GREB1L: variants seen among roughly 807,000 people sequenced by gnomAD.
The protein encoded by GREB1L is GREB1-like protein.
GREB1L carries 17 observed loss-of-function variants against 200.8 expected under a neutral mutation model. The observed-to-expected ratio is 0.08, with a 90% CI of 0.06 to 0.13. The LOEUF (loss-of-function observed/expected upper bound fraction) is 0.13. Ranked by LOEUF, GREB1L falls within the 10% of genes least tolerant of loss-of-function variation. The pLI is 1.00. For synonymous variants in GREB1L, 789 were observed against 893.0 expected, an observed-to-expected ratio of 0.88 and a Z score of 2.08; for missense variants, 1,657 against 2,367.7, an observed-to-expected ratio of 0.70 and a Z score of 6.23.
At chr18:21,444,073 C>A in intron 10 of GREB1L, 151 bp from the exon 11 acceptor site, 2 of 544,544 alleles carry the variant, frequency 3.7e-6, no homozygotes, top group South Asian at 3.1e-5. Context: ...AGTGAATTCC[C>A]TGGGATTGAT....
At position 21,403,916 on chromosome 18, in the gene GREB1L, C is replaced by T; in HGVS notation, c.754C>T (p.Pro252Ser). 6.4e-7 allele frequency: 1 copy of T among 1,551,148 alleles called. No homozygotes were observed. ...QSSASCHSIK[P>S]SSSVSSTVTP... Reference sequence around the variant, plus strand: ...CTCTGCTTCTTGCCACTCTATTAAGCCAAGCTCTTCAGTGTCGTCAACTGT... The same window carrying T: ...CTCTGCTTCTTGCCACTCTATTAAGTCAAGCTCTTCAGTGTCGTCAACTGT... Residue 252 changes from proline to serine, a missense_variant, in exon 7 of 33, where the codon CCA (proline) becomes TCA (serine). Coordinates refer to ENST00000424526, the MANE Select transcript of GREB1L (RefSeq NM_001142966.3).
In GREB1L at chr18:21,466,650, A is replaced by G. The variant is rs564844423; in HGVS notation, c.2183-6381A>G. 5.9e-5 allele frequency among the ~76,000 whole-genome samples: 9 copies of G among 152,266 alleles called. 1 individual carries two copies. In the South Asian group the frequency reaches 1.7e-3, roughly 28 times the overall value. ...GACATATTTATAAAATTGAAGATATATTAATATTTTTAAGATGACCATATT... is the reference window on the plus strand; with the variant it reads ...GACATATTTATAAAATTGAAGATATGTTAATATTTTTAAGATGACCATATT... On this transcript the variant is annotated intron_variant, in intron 15 of 32. Transcript: ENST00000424526.
chr18:21,249,417 A>G (rs1405016849), intron 1 of GREB1L, among the ~76,000 whole-genome samples: 2 of 152,340 alleles, frequency 1.3e-5, no homozygotes, highest in Non-Finnish European at 2.9e-5. Context: ...AGGAATCTTT[A>G]TTAACAAACT....
rs540420983 is a variant in GREB1L, at chr18:21,413,340, G to C, written c.832+9346G>C. Reference sequence around the variant, plus strand: ...GAGTGTATCATTCAACCGTCCCTAAGATGTGGCCGTGTCTGTCTCCTTCCG... The same window carrying C: ...GAGTGTATCATTCAACCGTCCCTAACATGTGGCCGTGTCTGTCTCCTTCCG... On this transcript the variant is annotated intron_variant, in intron 7 of 32. Transcript: ENST00000424526. Among the ~76,000 whole-genome samples, 6 of 152,282 alleles carry C rather than the reference G, an allele frequency of 3.9e-5. No homozygotes were observed. In the South Asian group the frequency reaches 1.2e-3, roughly 32 times the overall value.
intron 1 of GREB1L, among the ~76,000 whole-genome samples, chr18:21,277,988 A>G (rs1440577759): frequency 6.6e-6 from 1 of 152,210 alleles, no homozygotes; most frequent in African/African-American, 2.4e-5. Flanking sequence ...ATAAAACACA[A>G]CAAAAACTCA....
chr18:21,477,486 T>C (rs1436922797), intron 17 of GREB1L, 130 bp downstream of exon 17: 2 of 732,620 alleles, frequency 2.7e-6, no homozygotes, highest in Non-Finnish European at 3.9e-6. Flanking sequence ...TAATGCTTTA[T>C]GTAAGAGTTC....
chr18:21,416,693 CA>C (rs1366578660), intron 7 of GREB1L, among the ~76,000 whole-genome samples: 87 of 114,934 alleles, frequency 7.6e-4, no homozygotes, highest in Admixed American at 9.6e-4. Context: ...AACTCCATCT[CA>C]AAAAAAAAAA....
intron 1 of GREB1L, among the ~76,000 whole-genome samples, chr18:21,295,250 C>G (rs1234579191): frequency 6.6e-6 from 1 of 152,188 alleles, no homozygotes; most frequent in African/African-American, 2.4e-5. Context: ...CTGTGACCAT[C>G]AGGTCAGAGA....
chr18:21,488,946 C>T (rs575929475), intron 18 of GREB1L, among the ~76,000 whole-genome samples: 126 of 152,246 alleles, frequency 8.3e-4, no homozygotes, highest in African/African-American at 2.9e-3. Flanking sequence ...CATGAGCCAC[C>T]GCGCCCAGCC....
chr18:21,473,008 A>G (rs1196514614), intron 15 of GREB1L, 23 bp from the exon 16 acceptor site: 8 of 1,494,432 alleles, frequency 5.4e-6, no homozygotes, highest in East Asian at 2.5e-5. Context: ...GTGTTAAAAG[A>G]TGAACTTTTT....
At position 21,523,425 on chromosome 18, in the gene GREB1L, A is replaced by C. The variant is rs543508562; in HGVS notation, c.*604A>C. The C allele has an allele frequency of 1.3e-5, 2 of 152,256 alleles. No homozygotes were observed. The highest frequency in any genetic ancestry group is 2.9e-5 in the Non-Finnish European group (2 of 68,046). The allele number at this position is 152,256 out of a possible 1,614,324, so 9.4% of individuals were successfully genotyped here. On this transcript the variant is annotated 3_prime_UTR_variant, in exon 33 of 33. Transcript: ENST00000424526. The stretch of plus-strand genomic sequence containing the variant: ...TATTGAAACTTTTGGCAAAATTTCC[A>C]CAGGAGTTAGAAGTTTACTATTTAA...
intron 1 of GREB1L, among the ~76,000 whole-genome samples, chr18:21,316,438 C>G (rs764837441): frequency 2.6e-5 from 4 of 152,150 alleles, no homozygotes; most frequent in East Asian, 1.9e-4. Context: ...TGAAATTTGT[C>G]TCCCAGATCT....
intron 4 of GREB1L, 141 bp from the exon 5 acceptor site, chr18:21,395,244 G>A: frequency 1.7e-6 from 1 of 580,158 alleles, no homozygotes; most frequent in East Asian, 3.3e-5. Context: ...TTGTCTTCTG[G>A]TTGGAGTATA....
chr18:21,502,929 T>C (rs1440676317), intron 23 of GREB1L, among the ~76,000 whole-genome samples: 1 of 152,220 alleles, frequency 6.6e-6, no homozygotes, highest in Non-Finnish European at 1.5e-5. Context: ...TTGACCTTTG[T>C]AGTAAGAAAC....
chr18:21,325,587 A>G (rs2039010238), intron 1 of GREB1L, among the ~76,000 whole-genome samples: 1 of 151,964 alleles, frequency 6.6e-6, no homozygotes, highest in Non-Finnish European at 1.5e-5. Context: ...GGCTGAGGCA[A>G]GAGGATCACT....
Position 21,505,922 on chromosome 18 carries a change from G to A in GREB1L, c.4341G>A (p.Gln1447=). ...TTCACCACTGTGAACAGTGCCGCCA[G>A]TACATGGACTTCACCTCTGCCTCCC... ...NTFHHCEQCR[Q]YMDFTSASQM... The change falls in exon 25 of 33, where the codon CAG becomes CAA. Residue 1447 remains glutamine (Q), a synonymous_variant. Coordinates refer to ENST00000424526, the MANE Select transcript of GREB1L (RefSeq NM_001142966.3). The A allele has an allele frequency of 6.4e-7, 1 of 1,552,174 alleles. No homozygotes were observed. The highest frequency in any genetic ancestry group is 8.7e-7 in the Non-Finnish European group (1 of 1,147,074).
intron 7 of GREB1L, among the ~76,000 whole-genome samples, chr18:21,421,606 T>C (rs1312187269): frequency 6.6e-6 from 1 of 152,238 alleles, no homozygotes; most frequent in Non-Finnish European, 1.5e-5. Flanking sequence ...CTTGGTCATC[T>C]GGAAAACCTT....
intron 2 of GREB1L, among the ~76,000 whole-genome samples, chr18:21,367,452 C>T (rs1057021338): frequency 6.6e-6 from 1 of 151,954 alleles, no homozygotes; most frequent in Non-Finnish European, 1.5e-5. Context: ...GAGCAGAAAG[C>T]GGTAGCGGGT....
intron 1 of GREB1L, among the ~76,000 whole-genome samples, chr18:21,245,999 G>C (rs1266240778): frequency 6.6e-6 from 1 of 152,218 alleles, no homozygotes; most frequent in Non-Finnish European, 1.5e-5. Flanking sequence ...TGGGATTACA[G>C]GCGTGAGCCA....
Sources: allele counts gnomAD v4.1 joint callset (sites outside exome capture counted in the v4.1 genomes callset), GRCh38; gene constraint gnomAD v4.1.1; transcripts MANE v1.5; gene names NCBI Gene and HGNC (gene_info 2026-07-23, HGNC 2026-07-21).